The following FAM193B variants were observed in gnomAD, a reference collection of about 807,000 sequenced individuals.
FAM193B encodes protein FAM193B.
A neutral mutation model predicts 70.7 loss-of-function variants in FAM193B; 27 were observed. That is an observed-to-expected ratio of 0.38 (90% CI 0.28 to 0.53). FAM193B has a LOEUF of 0.53. FAM193B is among the 20% of genes least tolerant of loss of function. The pLI is 0.81. For missense variants in FAM193B, 1,022 were observed against 1,072.5 expected, an observed-to-expected ratio of 0.95 and a Z score of 0.66; for synonymous variants, 448 against 436.0, an observed-to-expected ratio of 1.03 and a Z score of -0.34.
At chr5:177,531,813 C>T (rs1561763323) in intron 5 of FAM193B, 11 of 1,053,074 alleles carry the variant, frequency 1.0e-5, no homozygotes, top group South Asian at 6.6e-5. Context: ...GGCGAGTCAC[C>T]GAGTCTTTGT....
At chr5:177,528,570 G>A (rs1213842291) in intron 5 of FAM193B, among the ~76,000 whole-genome samples, 1 of 152,212 alleles carries the variant, frequency 6.6e-6, no homozygotes, top group Non-Finnish European at 1.5e-5. Flanking sequence ...CGGGAAAAGG[G>A]TGACTCTCAT....
intron 4 of FAM193B, among the ~76,000 whole-genome samples, chr5:177,535,663 A>G (rs980493308): frequency 3.3e-5 from 5 of 152,260 alleles, no homozygotes; most frequent in Non-Finnish European, 5.9e-5. Flanking sequence ...TGAGCTATAC[A>G]GTAAGACATT....
chr5:177,521,335 CA>C (rs1561742936), intron 8 of FAM193B, among the ~76,000 whole-genome samples: 1 of 152,208 alleles, frequency 6.6e-6, no homozygotes, highest in East Asian at 1.9e-4. Context: ...TTGTTTCAGA[CA>C]AAAGGACCTG....
Position 177,532,013 on chromosome 5 carries a change from A to G in FAM193B, c.1275+430T>C. 1 of 1,291,286 alleles carries G rather than the reference A, an allele frequency of 7.7e-7. No homozygotes were observed. Among genetic ancestry groups the G allele is most frequent in the Non-Finnish European group, 1.0e-6 (1 of 990,296 alleles). The allele number at this position is 1,291,286 out of a possible 1,614,324, so 80.0% of individuals were successfully genotyped here. ...CAGAGCCAGCATGCCCTCTGATCTG[A>G]GCCTCCTTCCTGGCGCCGTCTGTGC... On this transcript the variant is annotated intron_variant, in intron 5 of 8. Coordinates refer to ENST00000514747, the MANE Select transcript of FAM193B (RefSeq NM_001190946.3). The surrounding 1 kb of genome is among the most constrained non-coding windows in gnomAD (Gnocchi z 4.9).
At chr5:177,534,723 C>T (rs893603531) in intron 4 of FAM193B, among the ~76,000 whole-genome samples, 25 of 152,282 alleles carry the variant, frequency 1.6e-4, no homozygotes, top group Admixed American at 7.2e-4. Flanking sequence ...CGATCCTGTC[C>T]CACTTCAGCC....
intron 1 of FAM193B, 97 bp downstream of exon 1, chr5:177,554,152 C>A (rs1206488530): frequency 2.1e-6 from 3 of 1,446,236 alleles, no homozygotes; most frequent in Non-Finnish European, 2.7e-6. Flanking sequence ...ACCCCAGCCG[C>A]GGCAGGATGG....
intron 8 of FAM193B, 22 bp from the exon 9 acceptor site, chr5:177,520,203 G>A (rs1761498402): frequency 6.6e-6 from 1 of 152,252 alleles, no homozygotes; most frequent in South Asian, 2.1e-4. Context: ...AAAAAGAGCA[G>A]AATCACAGTA....
At chr5:177,550,922 TG>T (rs1260632203) in intron 1 of FAM193B, among the ~76,000 whole-genome samples, 3 of 152,162 alleles carry the variant, frequency 2.0e-5, no homozygotes, top group African/African-American at 7.2e-5. Context: ...ACTTAATTCC[TG>T]GGTTCAAGCA....
At chr5:177,524,066 A>G (rs753829988) in intron 6 of FAM193B, 34 bp from the exon 7 acceptor site, 27 of 1,613,738 alleles carry the variant, frequency 1.7e-5, no homozygotes, top group Non-Finnish European at 2.2e-5. Context: ...CTCAGTGCCC[A>G]TGGCCAGGCC....
chr5:177,530,703 CAGGGCCTCAG>C (rs1373975853), intron 5 of FAM193B, among the ~76,000 whole-genome samples: 1 of 152,198 alleles, frequency 6.6e-6, no homozygotes, highest in African/African-American at 2.4e-5. Context: ...AGCTCTTCCG[CAGGGCCTCAG>C]AGGCCCTCCC....
At position 177,536,726 on chromosome 5, in the gene FAM193B, C is replaced by T. The variant is rs774152148; in HGVS notation, c.708G>A (p.Ser236=). 1.3e-5 allele frequency: 20 copies of T among 1,557,260 alleles called. No individual in the cohort carries two copies. The highest frequency in any genetic ancestry group is 4.5e-4 in the Middle Eastern group (2 of 4,410). Residue 236 remains serine, a synonymous_variant, in exon 4 of 9, where the codon TCG becomes TCA. Coordinates refer to ENST00000514747, the MANE Select transcript of FAM193B (RefSeq NM_001190946.3). The stretch of plus-strand genomic sequence containing the variant: ...TGAGGTCTGAGTGCTGGTGGTGCTC[C>T]GAGACGGGGAAAGCCTCACCTGTGG... The part of the protein sequence containing the change: ...PTIPGEAFPV[S]EHHQHSDLTA...
intron 4 of FAM193B, among the ~76,000 whole-genome samples, chr5:177,534,709 C>G (rs1241493299): frequency 1.3e-5 from 2 of 152,154 alleles, no homozygotes; most frequent in Non-Finnish European, 2.9e-5. Context: ...CTCCCAGGCT[C>G]AAGCGATCCT....
At chr5:177,542,044 A>C (rs180710131) in intron 1 of FAM193B, among the ~76,000 whole-genome samples, 7 of 152,360 alleles carry the variant, frequency 4.6e-5, no homozygotes, top group Middle Eastern at 3.4e-3. Flanking sequence ...CAATTGGTTG[A>C]ATCCACAGAT....
At chr5:177,533,737 AACAG>A (rs1320485941) in intron 4 of FAM193B, among the ~76,000 whole-genome samples, 2 of 152,202 alleles carry the variant, frequency 1.3e-5, no homozygotes, top group African/African-American at 4.8e-5. Context: ...CAAGGATGCA[AACAG>A]ACAGTGACAA....
intron 8 of FAM193B, among the ~76,000 whole-genome samples, chr5:177,520,555 G>T (rs542153738): frequency 1.3e-5 from 2 of 152,194 alleles, no homozygotes; most frequent in East Asian, 1.9e-4. Flanking sequence ...TTACTAGGGG[G>T]TGGGGAGAGG....
chr5:177,554,014 G>T, intron 1 of FAM193B: 1 of 1,314,988 alleles, frequency 7.6e-7, no homozygotes, highest in Non-Finnish European at 9.7e-7. Context: ...GAGGCGGCGG[G>T]GAGAGGGGAG....
In FAM193B at chr5:177,524,729, C is replaced by T. The variant is rs772090234; in HGVS notation, c.1752G>A (p.Val584=). The T allele has an allele frequency of 8.7e-5, 135 of 1,557,552 alleles. 1 individual carries two copies. Among genetic ancestry groups the T allele is most frequent in the Non-Finnish European group, 1.1e-4 (128 of 1,152,752 alleles). Residue 584 remains valine, a synonymous_variant, in exon 6 of 9, where the codon GTG becomes GTA. Transcript: ENST00000514747. ...GGTTGGGCACGGTGTTGAGTCTCCT[C>T]ACGAGCCCGTTCTCGGGGACGATAC... is the stretch of plus-strand genomic sequence containing the variant. The part of the protein sequence containing the change: ...PPGIVPENGL[V]RRLNTVPNLS...
chr5:177,553,932 G>A, intron 1 of FAM193B: 1 of 1,228,300 alleles, frequency 8.1e-7, no homozygotes, highest in Non-Finnish European at 1.0e-6. Flanking sequence ...GGCCGAGAGC[G>A]GAGCTGCGGC....
Position 177,522,079 on chromosome 5 carries a change from GT to G in FAM193B, c.2373-9del, listed in dbSNP as rs1329912106. 1 of 1,612,170 alleles carries G rather than the reference GT, an allele frequency of 6.2e-7. No individual in the cohort carries two copies. Among genetic ancestry groups the G allele is most frequent in the Non-Finnish European group, 8.5e-7 (1 of 1,178,274 alleles). ...GCAGAATCCAAACAGAACCTGTTGG[GT>G]TTGGGGGACACATGAGAAGCACAAT... On this transcript the variant is annotated splice_polypyrimidine_tract_variant and intron_variant, in intron 7 of 8. Coordinates refer to ENST00000514747, the MANE Select transcript of FAM193B (RefSeq NM_001190946.3).
Sources: gnomAD v4.1 joint callset for allele counts (sites outside exome capture counted in the v4.1 genomes callset) on GRCh38, gnomAD v4.1.1 for gene constraint, Gnocchi (gnomAD v3.1) non-coding constraint, MANE v1.5 for transcripts, NCBI Gene and HGNC (gene_info 2026-07-23, HGNC 2026-07-21) for gene names.